Variants in DOCK4 observed in about 807,000 individuals in gnomAD.
DOCK4 encodes dedicator of cytokinesis protein 4.
DOCK4 carries 97 observed loss-of-function variants against 268.1 expected under a neutral mutation model. That is an observed-to-expected ratio of 0.36 (90% CI 0.31 to 0.43). The LOEUF is 0.43. Ranked by LOEUF, DOCK4 falls within the 20% of genes least tolerant of loss-of-function variation. The pLI, the probability that DOCK4 is intolerant of heterozygous loss-of-function variation, is 1.00. For missense variants in DOCK4, 2,145 were observed against 2,455.7 expected (o/e 0.87, Z 2.67); for synonymous variants, 954 against 887.2 (o/e 1.08, Z -1.34).
At chr7:111,949,378 CTAAAG>C (rs1442405681) in intron 8 of DOCK4, among the ~76,000 whole-genome samples, 1 of 152,160 alleles carries the variant, frequency 6.6e-6, no homozygotes, top group Non-Finnish European at 1.5e-5. Context: ...ACAATGTTTC[CTAAAG>C]TATTCTATTG....
At chr7:111,777,522 C>A (rs142500166) in intron 36 of DOCK4, among the ~76,000 whole-genome samples, 1 of 152,120 alleles carries the variant, frequency 6.6e-6, no homozygotes, top group African/African-American at 2.4e-5. Flanking sequence ...CCATCTGATG[C>A]GACTTTCAAT....
At chr7:112,021,514 A>G (rs1258439080) in intron 1 of DOCK4, among the ~76,000 whole-genome samples, 1 of 152,226 alleles carries the variant, frequency 6.6e-6, no homozygotes, top group Non-Finnish European at 1.5e-5. Context: ...GGCCACTTAC[A>G]GTGCAGGAGG....
At chr7:112,115,318 C>A (rs1467733905) in intron 1 of DOCK4, among the ~76,000 whole-genome samples, 2 of 152,196 alleles carry the variant, frequency 1.3e-5, no homozygotes, top group Non-Finnish European at 2.9e-5. Context: ...TCAGTGCTAT[C>A]TAGGTGACAC....
At chr7:111,889,950 A>C (rs997735557) in intron 16 of DOCK4, among the ~76,000 whole-genome samples, 1 of 152,178 alleles carries the variant, frequency 6.6e-6, no homozygotes, top group African/African-American at 2.4e-5. Flanking sequence ...GGTTCTTGAC[A>C]ATCAACAGTG....
intron 36 of DOCK4, among the ~76,000 whole-genome samples, chr7:111,772,407 G>C (rs994619656): frequency 4.7e-4 from 71 of 152,106 alleles, no homozygotes; most frequent in African/African-American, 1.7e-3. Flanking sequence ...GTGGATGGTG[G>C]TAATGGTAGC....
chr7:112,202,903 A>T (rs966009432), intron 1 of DOCK4, among the ~76,000 whole-genome samples: 1 of 152,182 alleles, frequency 6.6e-6, no homozygotes, highest in Non-Finnish European at 1.5e-5. Flanking sequence ...ATTGAGAAAG[A>T]GAGGAACCAG....
chr7:111,983,856 G>GCACACACACACACACACACA (rs1454832356), intron 7 of DOCK4, among the ~76,000 whole-genome samples: 2 of 92,002 alleles, frequency 2.2e-5, no homozygotes, highest in African/African-American at 7.3e-5. Flanking sequence ...GCGCGCGCGC[G>GCACACACACACACACACACA]CGCGCGCACA....
chr7:112,163,617 T>G (rs1817334877), intron 1 of DOCK4, among the ~76,000 whole-genome samples: 1 of 152,218 alleles, frequency 6.6e-6, no homozygotes, highest in Admixed American at 6.5e-5. Context: ...TAGAGCATAG[T>G]ATAGGCAAGG....
At chr7:112,080,831 T>C (rs1280573480) in intron 1 of DOCK4, among the ~76,000 whole-genome samples, 1 of 152,206 alleles carries the variant, frequency 6.6e-6, no homozygotes, top group Non-Finnish European at 1.5e-5. Context: ...GTCACCTGAA[T>C]GCTGTGAACT....
At chr7:112,048,088 C>G (rs2135538159) in intron 1 of DOCK4, among the ~76,000 whole-genome samples, 1 of 151,984 alleles carries the variant, frequency 6.6e-6, no homozygotes, top group East Asian at 1.9e-4. Context: ...GGGGCAGGGA[C>G]AAAGAAAGCA....
At chr7:111,998,534 C>T (rs375094704) in intron 3 of DOCK4, 31 bp from the exon 4 acceptor site, 99 of 1,548,124 alleles carry the variant, frequency 6.4e-5, no homozygotes, top group Middle Eastern at 1.7e-4. Flanking sequence ...GTTACGATGC[C>T]GGCTGTTAAG....
intron 8 of DOCK4, among the ~76,000 whole-genome samples, chr7:111,955,771 C>T (rs944386341): frequency 1.3e-5 from 2 of 152,054 alleles, no homozygotes; most frequent in Non-Finnish European, 2.9e-5. Context: ...TGTGCTGTTA[C>T]CAGATTAAGC....
At chr7:112,055,772 G>A (rs961190704) in intron 1 of DOCK4, among the ~76,000 whole-genome samples, 1 of 151,974 alleles carries the variant, frequency 6.6e-6, no homozygotes, top group Non-Finnish European at 1.5e-5. Flanking sequence ...GCCAGGTGTG[G>A]TGGTGGGCGC....
rs138502770 is a variant in DOCK4 at position 111,734,296 on chromosome 7, C to T, written c.5419+758G>A. On this transcript the variant is annotated intron_variant, in intron 51 of 52. Transcript: ENST00000428084. Reference sequence around the variant, plus strand: ...TTCACTGCAACCTCTGACTTCTGGGCTCAAGCCATCCTCCCAAGTAGCTGG... The same window carrying T: ...TTCACTGCAACCTCTGACTTCTGGGTTCAAGCCATCCTCCCAAGTAGCTGG... Among the ~76,000 whole-genome samples, 1,120 of 152,234 alleles carry T rather than the reference C, an allele frequency of 7.4e-3. 19 individuals carry two copies. Among genetic ancestry groups the T allele is most frequent in the African/African-American group, 0.025 (1,049 of 41,532 alleles).
At chr7:112,061,615 T>TA (rs749578357) in intron 1 of DOCK4, among the ~76,000 whole-genome samples, 18 of 151,444 alleles carry the variant, frequency 1.2e-4, no homozygotes, top group East Asian at 5.8e-4. Flanking sequence ...GGCCACATTA[T>TA]AAAAAAAAAC....
intron 26 of DOCK4, among the ~76,000 whole-genome samples, chr7:111,824,608 C>T (rs1563554641): frequency 6.6e-6 from 1 of 151,960 alleles, no homozygotes; most frequent in Admixed American, 6.6e-5. Flanking sequence ...GGGGACTGTG[C>T]TGTCAGTTGA....
intron 42 of DOCK4, among the ~76,000 whole-genome samples, chr7:111,753,071 T>C (rs1747835050): frequency 6.7e-6 from 1 of 149,508 alleles, no homozygotes; most frequent in Non-Finnish European, 1.5e-5. Flanking sequence ...TGGTGCCACA[T>C]GTTTCAGAAT....
At chr7:112,044,686 C>T (rs898113932) in intron 1 of DOCK4, among the ~76,000 whole-genome samples, 3 of 152,146 alleles carry the variant, frequency 2.0e-5, no homozygotes, top group African/African-American at 7.2e-5. Context: ...CGTTCTTACT[C>T]ACCTCGTGAA....
At chr7:112,097,318 A>G (rs1372555504) in intron 1 of DOCK4, among the ~76,000 whole-genome samples, 1 of 152,162 alleles carries the variant, frequency 6.6e-6, no homozygotes, top group African/African-American at 2.4e-5. Flanking sequence ...TCATGCCTGT[A>G]ATCCCAGCAC....
Sources: gnomAD v4.1 joint callset for allele counts (sites outside exome capture counted in the v4.1 genomes callset) on GRCh38, gnomAD v4.1.1 for gene constraint, MANE v1.5 for transcripts, NCBI Gene and HGNC (gene_info 2026-07-23, HGNC 2026-07-21) for gene names.